The following NFKBIB variants were observed in gnomAD, a reference collection of about 807,000 sequenced individuals.
NFKBIB encodes NFKB inhibitor beta.
NFKBIB carries 16 observed loss-of-function variants against 32.1 expected under a neutral mutation model. That is an observed-to-expected ratio of 0.50 (90% CI 0.34 to 0.76). NFKBIB has a LOEUF of 0.76. Ranked by LOEUF, NFKBIB falls within the 30% of genes least tolerant of loss-of-function variation. NFKBIB has a pLI of 0.01. For missense variants in NFKBIB, 437 were observed against 514.9 expected, an observed-to-expected ratio of 0.85 and a Z score of 1.46; for synonymous variants, 222 against 219.5, an observed-to-expected ratio of 1.01 and a Z score of -0.10.
In NFKBIB at chr19:38,899,975, C is replaced by T; in HGVS notation, c.-58C>T. 1 of 1,431,012 alleles carries T rather than the reference C, an allele frequency of 7.0e-7. No homozygotes were observed. The highest frequency in any genetic ancestry group is 9.1e-7 in the Non-Finnish European group (1 of 1,093,168). 88.6% of individuals were successfully genotyped at this position (1,431,012 alleles called of 1,614,324 possible). ...CCGCAGGGCGGAAGCTCCAGAACTC[C>T]CGGCAAAGCCCAGCTACAGGCGGGC... On this transcript the variant is annotated 5_prime_UTR_variant, in exon 1 of 6. Coordinates refer to ENST00000313582, the MANE Select transcript of NFKBIB (RefSeq NM_002503.5).
rs200151971 is a variant in NFKBIB, at chr19:38,905,403, G to A, written c.487G>A (p.Ala163Thr). 42 of 1,613,556 alleles carry A rather than the reference G, an allele frequency of 2.6e-5. No homozygotes were observed. The East Asian group carries it at 6.7e-4, about 26-fold the overall frequency. The stretch of plus-strand genomic sequence containing the variant: ...CAGGGAAGCCCCCGACACCTACCTC[G>A]CTCAGGGCCCTGACCGTACTCCCGA... ...RPREAPDTYL[A>T]QGPDRTPDTN... is the part of the protein sequence containing the mutation. Residue 163 changes from alanine (A) to threonine (T), a missense_variant, in exon 3 of 6, where the codon GCT becomes ACT. Physicochemically the swap from Ala to Thr is moderately conservative, Grantham distance 58. Transcript: ENST00000313582. This position sits in a 1 kb window ranked among gnomAD's most constrained non-coding sequence, Gnocchi z 5.5.
chr19:38,902,301 A>T (rs1299844996), intron 1 of NFKBIB, among the ~76,000 whole-genome samples: 1 of 150,602 alleles, frequency 6.6e-6, no homozygotes, highest in Non-Finnish European at 1.5e-5. Context: ...TGATCTCCTG[A>T]CCTTGTGATC....
Position 38,905,682 on chromosome 19 carries a change from A to T in NFKBIB, c.619+147A>T, listed in dbSNP as rs899506300. The stretch of plus-strand genomic sequence containing the variant: ...CCACACATCGGGACCAGGGACCTCC[A>T]CTCAGGGCCCAGATGATTGAGAATT... On this transcript the variant is annotated intron_variant, in intron 3 of 5. Coordinates refer to ENST00000313582, the MANE Select transcript of NFKBIB (RefSeq NM_002503.5). This position sits in a 1 kb window ranked among gnomAD's most constrained non-coding sequence, Gnocchi z 5.5. The T allele has an allele frequency of 9.4e-6, 6 of 639,934 alleles. No homozygotes were observed. Among genetic ancestry groups the T allele is most frequent in the Non-Finnish European group, 1.6e-5 (6 of 376,408 alleles). 39.6% of individuals were successfully genotyped at this position (639,934 alleles called of 1,614,324 possible). A position where few individuals can be genotyped will look rare whatever the true frequency, so the allele number is the denominator to read the frequency against.
chr19:38,908,211 G>A (rs1012765742), intron 5 of NFKBIB: 14 of 992,978 alleles, frequency 1.4e-5, no homozygotes, highest in Non-Finnish European at 1.7e-5. Flanking sequence ...CTGGAGTGGC[G>A]GCTGGCTAGA....
At chr19:38,900,765 T>A (rs537557947) in intron 1 of NFKBIB, among the ~76,000 whole-genome samples, 1 of 152,180 alleles carries the variant, frequency 6.6e-6, no homozygotes. Context: ...ATTCATCTGT[T>A]AAACAAATAT....
At chr19:38,907,096 G>T (rs1974151673) in intron 3 of NFKBIB, 125 bp from the exon 4 acceptor site, 2 of 864,712 alleles carry the variant, frequency 2.3e-6, no homozygotes, top group South Asian at 3.4e-5. Flanking sequence ...CCATACCCAA[G>T]AATTCAGGAA....
At chr19:38,908,047 G>A (rs1974200609) in intron 5 of NFKBIB, 8 of 1,082,544 alleles carry the variant, frequency 7.4e-6, no homozygotes, top group Non-Finnish European at 9.0e-6. Flanking sequence ...TGCTGGGGCA[G>A]GACCCGAGCC....
upstream of NFKBIB, chr19:38,899,733 C>T: frequency 1.3e-6 from 1 of 761,820 alleles, no homozygotes; most frequent in Admixed American, 2.2e-5. Flanking sequence ...CAGAGCGCCC[C>T]AGTTAGGTAA....
At chr19:38,902,076 A>ATTTTTTTTTTTTTT (rs1444689459) in intron 1 of NFKBIB, among the ~76,000 whole-genome samples, 5 of 64,034 alleles carry the variant, frequency 7.8e-5, no homozygotes, top group Non-Finnish European at 1.6e-4. Flanking sequence ...AGTGTTTTTC[A>ATTTTTTTTTTTTTT]TTTTATTTCT....
At chr19:38,904,881 C>A in intron 1 of NFKBIB, 134 bp from the exon 2 acceptor site, 1 of 762,806 alleles carries the variant, frequency 1.3e-6, no homozygotes, top group Non-Finnish European at 2.2e-6. Context: ...GACCTCTGAC[C>A]TCCCAGATAG....
At position 38,900,136 on chromosome 19, in the gene NFKBIB, G is replaced by T. The variant is rs766214015; in HGVS notation, c.104G>T (p.Gly35Val). The T allele has an allele frequency of 1.3e-6, 2 of 1,595,176 alleles. No homozygotes were observed. The highest frequency in any genetic ancestry group is 3.5e-5 in the Admixed American group (2 of 56,452). ...GPDAAAPGGP[G>V]LGAELGPGLS... ...GACGCAGCGGCCCCCGGAGGACCTGGGTTGGGCGCGGAGTTGGGCCCGGGG... is the reference window on the plus strand; with the variant it reads ...GACGCAGCGGCCCCCGGAGGACCTGTGTTGGGCGCGGAGTTGGGCCCGGGG... The change falls in exon 1 of 6, where the codon GGG becomes GTG. Residue 35 changes from glycine to valine, a missense_variant. By Grantham distance (109) the Gly-to-Val change is moderately radical (BLOSUM62 -3). Transcript: ENST00000313582.
chr19:38,900,659 A>T (rs768963446), intron 1 of NFKBIB, among the ~76,000 whole-genome samples: 33 of 152,192 alleles, frequency 2.2e-4, no homozygotes, highest in Admixed American at 2.6e-4. Flanking sequence ...CTTAAATTCA[A>T]AGAGAGAGAA....
At chr19:38,902,858 A>G (rs12972925) in intron 1 of NFKBIB, among the ~76,000 whole-genome samples, 93,323 of 151,894 alleles carry the variant, frequency 0.61, 29,386 homozygotes, top group East Asian at 0.96. Flanking sequence ...GACAGATCAC[A>G]AGGTCAGGAG....
Position 38,900,089 on chromosome 19 carries a change from C to T in NFKBIB, c.57C>T (p.Ser19=). 1.3e-6 allele frequency: 2 copies of T among 1,545,310 alleles called. No homozygotes were observed. The highest frequency in any genetic ancestry group is 2.4e-5 in the South Asian group (2 of 83,882). The change falls in exon 1 of 6, where the codon AGC becomes AGT. Residue 19 remains serine (S), a synonymous_variant. Transcript: ENST00000313582. ...CCGACGCAGATGAATGGTGCGACAG[C>T]GGCCTGGGCTCCCTGGGTCCGGACG... The part of the protein sequence containing the change: ...KAADADEWCD[S]GLGSLGPDAA...
chr19:38,900,321 G>A lies in NFKBIB; in HGVS notation c.179+110G>A. On this transcript the variant is annotated intron_variant, in intron 1 of 5. Coordinates refer to ENST00000313582, the MANE Select transcript of NFKBIB (RefSeq NM_002503.5). Reference sequence around the variant, plus strand: ...CCTCATACTCCTAAATCTGACTTCCGATGCTGAACTTCCTGACCTCTAACC... The same window carrying A: ...CCTCATACTCCTAAATCTGACTTCCAATGCTGAACTTCCTGACCTCTAACC... The A allele has an allele frequency of 4.1e-6, 5 of 1,233,622 alleles. 1 individual carries two copies. Among genetic ancestry groups the A allele is most frequent in the Non-Finnish European group, 3.2e-6 (3 of 928,142 alleles). 76.4% of individuals were successfully genotyped at this position (1,233,622 alleles called of 1,614,324 possible).
chr19:38,899,728 C>A (rs201897597), upstream of NFKBIB: 3 of 777,226 alleles, frequency 3.9e-6, no homozygotes, highest in African/African-American at 1.7e-5. Flanking sequence ...ACACCCAGAG[C>A]GCCCCAGTTA....
chr19:38,908,827 G>T lies in NFKBIB; in HGVS notation c.1066G>T (p.Val356Leu), dbSNP rs201937854. The T allele has an allele frequency of 5.0e-6, 8 of 1,609,124 alleles. No individual in the cohort carries two copies. The Admixed American group carries it at 1.2e-4, about 24-fold the overall frequency. Residue 356 changes from valine (V) to leucine (L), a missense_variant, in exon 6 of 6, where the codon GTG (valine) becomes TTG (leucine). Val to Leu is a conservative substitution (Grantham distance 32, BLOSUM62 1). Transcript: ENST00000313582. ...SKPLPDDPRP[V>L] Reference sequence around the variant, plus strand: ...ACCTCTTCCTGACGACCCCCGCCCCGTGTGATTTGTTTCATTGTTAATATA... The same window carrying T: ...ACCTCTTCCTGACGACCCCCGCCCCTTGTGATTTGTTTCATTGTTAATATA...
intron 1 of NFKBIB, among the ~76,000 whole-genome samples, chr19:38,902,076 A>ATTTTTTTTTTTTTTTTTT (rs1444689459): frequency 3.1e-5 from 2 of 64,012 alleles, no homozygotes; most frequent in Non-Finnish European, 6.5e-5. Context: ...AGTGTTTTTC[A>ATTTTTTTTTTTTTTTTTT]TTTTATTTCT....
Position 38,907,632 on chromosome 19 carries a change from T to TAGCGAC in NFKBIB, c.953_958dup (p.Asp318_Ser319dup), listed in dbSNP as rs756150498. 38 of 1,609,048 alleles carry TAGCGAC rather than the reference T, an allele frequency of 2.4e-5. No individual in the cohort carries two copies. In the East Asian group the frequency reaches 2.9e-4, roughly 12 times the overall value. ...AGAAATCCGGCCCCTGCAGCAGCAG[T>TAGCGAC]AGCGACAGCGACAGCGGAGACGAGG... On this transcript the variant is annotated inframe_insertion, in exon 5 of 6. Coordinates refer to ENST00000313582, the MANE Select transcript of NFKBIB (RefSeq NM_002503.5).
Sources: gnomAD v4.1 joint callset for allele counts (sites outside exome capture counted in the v4.1 genomes callset) on GRCh38, gnomAD v4.1.1 for gene constraint, Gnocchi (gnomAD v3.1) non-coding constraint, MANE v1.5 for transcripts, NCBI Gene and HGNC (gene_info 2026-07-23, HGNC 2026-07-21) for gene names.